UBE2K: variants seen among roughly 807,000 people sequenced by gnomAD.
The protein encoded by UBE2K is ubiquitin-conjugating enzyme E2 K.
A neutral mutation model predicts 30.0 loss-of-function variants in UBE2K; 6 were observed. That is an observed-to-expected ratio of 0.20 (90% CI 0.11 to 0.39). The LOEUF (loss-of-function observed/expected upper bound fraction) is 0.39. Among genes scored for constraint, UBE2K ranks in the 10% least tolerant of loss-of-function variants. The pLI, the probability that UBE2K is intolerant of heterozygous loss-of-function variation, is 1.00. For missense variants in UBE2K, 61 were observed against 241.6 expected, an observed-to-expected ratio of 0.25 and a Z score of 4.96; for synonymous variants, 86 against 83.7, an observed-to-expected ratio of 1.03 and a Z score of -0.15.
intron 1 of UBE2K, among the ~76,000 whole-genome samples, chr4:39,702,881 A>G (rs777267811): frequency 1.3e-5 from 2 of 151,908 alleles, no homozygotes; most frequent in African/African-American, 4.8e-5. Context: ...CCTGACCTCT[A>G]CCAGTATATG....
rs1560343607 is a variant in UBE2K at position 39,714,530 on chromosome 4, AT to A, written c.63+16141del. The stretch of plus-strand genomic sequence containing the variant: ...TTTTAGAAGTTTCATATATATATAT[AT>A]ATATATATATATATATATATTTTTT... On this transcript the variant is annotated intron_variant, in intron 1 of 6. Coordinates refer to ENST00000261427, the MANE Select transcript of UBE2K (RefSeq NM_005339.5). 3 of 27,146 alleles carry A rather than the reference AT, an allele frequency of 1.1e-4. 1 individual carries two copies. The highest frequency in any genetic ancestry group is 1.1e-4 in the Non-Finnish European group (2 of 17,922). 1.7% of individuals were successfully genotyped at this position (27,146 alleles called of 1,614,324 possible).
intron 1 of UBE2K, among the ~76,000 whole-genome samples, chr4:39,711,566 G>A (rs940837249): frequency 1.3e-5 from 2 of 151,742 alleles, no homozygotes; most frequent in Admixed American, 6.6e-5. Context: ...CCTATTGATG[G>A]CATTTAATTC....
chr4:39,771,115 G>T (rs111555669), intron 4 of UBE2K: 8 of 1,612,498 alleles, frequency 5.0e-6, no homozygotes, highest in Non-Finnish European at 6.8e-6. Context: ...CTGCAGGTAG[G>T]AGGTGGCTGT....
At chr4:39,771,117 G>A (rs1712789235) in intron 4 of UBE2K, 2 of 1,612,506 alleles carry the variant, frequency 1.2e-6, no homozygotes, top group African/African-American at 1.3e-5. Context: ...GCAGGTAGGA[G>A]GTGGCTGTAA....
At chr4:39,769,597 T>A (rs2109401250) in intron 4 of UBE2K, among the ~76,000 whole-genome samples, 1 of 149,826 alleles carries the variant, frequency 6.7e-6, no homozygotes, top group Middle Eastern at 3.4e-3. Flanking sequence ...CTCAATAATC[T>A]TTTCCCCTTA....
chr4:39,710,130 T>A (rs902647790), intron 1 of UBE2K: 3 of 152,074 alleles, frequency 2.0e-5, no homozygotes, highest in Non-Finnish European at 4.4e-5. Flanking sequence ...AGGAAAAAAG[T>A]CTGTAACTGG....
chr4:39,705,135 G>A lies in UBE2K; in HGVS notation c.63+6745G>A, dbSNP rs1287589462. Among the ~76,000 whole-genome samples, 2 of 149,848 alleles carry A rather than the reference G, an allele frequency of 1.3e-5. 1 individual carries two copies. The highest frequency in any genetic ancestry group is 3.0e-5 in the Non-Finnish European group (2 of 67,604). On this transcript the variant is annotated intron_variant, in intron 1 of 6. Coordinates refer to ENST00000261427, the MANE Select transcript of UBE2K (RefSeq NM_005339.5). The stretch of plus-strand genomic sequence containing the variant: ...GCTGGTCTCGAGCTCCTGACCTTGT[G>A]ATCTGCCGCCTCGGCCTCCCAAAGT...
chr4:39,703,595 T>G (rs1463699305), intron 1 of UBE2K, among the ~76,000 whole-genome samples: 1 of 151,992 alleles, frequency 6.6e-6, no homozygotes, highest in African/African-American at 2.4e-5. Flanking sequence ...ACGCCTGTAA[T>G]CCCAGCACTT....
chr4:39,769,213 G>GTTTTTTTTTTTTTTTGTTTTTTTTTTTT (rs60471860), intron 4 of UBE2K, among the ~76,000 whole-genome samples: 1 of 128,690 alleles, frequency 7.8e-6, no homozygotes, highest in African/African-American at 2.9e-5. Context: ...GTTTCTTTTT[G>GTTTTTTTTTTTTTTTGTTTTTTTTTTTT]TTTTTTTTTT....
intron 1 of UBE2K, among the ~76,000 whole-genome samples, chr4:39,700,110 GTTAC>G (rs1277531796): frequency 6.6e-6 from 1 of 152,184 alleles, no homozygotes. Context: ...TTTATTTTCT[GTTAC>G]TTACGGTAAC....
intron 1 of UBE2K, 145 bp downstream of exon 1, chr4:39,698,535 C>T (rs1489768296): frequency 6.8e-6 from 5 of 729,934 alleles, no homozygotes; most frequent in South Asian, 1.7e-5. Flanking sequence ...GTGTTCCCCT[C>T]CTCCTTCCGC....
chr4:39,714,632 C>T (rs1303901780), intron 1 of UBE2K, among the ~76,000 whole-genome samples: 2 of 144,606 alleles, frequency 1.4e-5, no homozygotes, highest in Admixed American at 7.1e-5. Context: ...CTGCAGCCTC[C>T]GACTCCCTGG....
At chr4:39,773,833 A>T (rs1713096909) in intron 4 of UBE2K, among the ~76,000 whole-genome samples, 1 of 151,934 alleles carries the variant, frequency 6.6e-6, no homozygotes, top group Admixed American at 6.6e-5. Flanking sequence ...AGGCAGGAGA[A>T]TAGCGTGAAC....
intron 1 of UBE2K, chr4:39,714,517 C>CATCTATATATATATATATTTATAT (rs1553874880): frequency 9.6e-5 from 4 of 41,638 alleles, no homozygotes; most frequent in African/African-American, 5.3e-4. Context: ...TTAGAAGTTT[C>CATCTATATATATATATATTTATAT]ATATATATAT....
chr4:39,737,292 C>A, intron 1 of UBE2K, 128 bp from the exon 2 acceptor site: 2 of 486,942 alleles, frequency 4.1e-6, no homozygotes, highest in Admixed American at 4.3e-5. Flanking sequence ...CTAGAAAAGC[C>A]GAGACTTATT....
chr4:39,729,846 A>ACGCT (rs1202293798), intron 1 of UBE2K, among the ~76,000 whole-genome samples: 2 of 152,258 alleles, frequency 1.3e-5, no homozygotes, highest in Non-Finnish European at 2.9e-5. Flanking sequence ...CACAGCGTGT[A>ACGCT]CGCTCTGCCT....
intron 1 of UBE2K, among the ~76,000 whole-genome samples, chr4:39,737,126 C>T (rs1720421909): frequency 1.3e-5 from 2 of 152,152 alleles, no homozygotes; most frequent in Non-Finnish European, 1.5e-5. Flanking sequence ...AATTGGCAAA[C>T]ATAAAATAGC....
chr4:39,723,250 T>C (rs904894776), intron 1 of UBE2K, among the ~76,000 whole-genome samples: 11 of 151,192 alleles, frequency 7.3e-5, no homozygotes, highest in African/African-American at 2.7e-4. Flanking sequence ...TTCACTATAT[T>C]GCCCAGGCTG....
chr4:39,782,184 T>G lies in UBE2K; in HGVS notation c.*3750T>G. ...TTTTGCTTGGTTATTTCAACCATGC[T>G]GCTATATATAATCAGGTGTGGCACA... is the stretch of plus-strand genomic sequence containing the variant. On this transcript the variant is annotated 3_prime_UTR_variant, in exon 7 of 7. Coordinates refer to ENST00000261427, the MANE Select transcript of UBE2K (RefSeq NM_005339.5). The G allele has an allele frequency of 2.6e-6, 1 of 383,570 alleles. No homozygotes were observed. Among genetic ancestry groups the G allele is most frequent in the Non-Finnish European group, 4.6e-6 (1 of 216,490 alleles). 23.8% of individuals were successfully genotyped at this position (383,570 alleles called of 1,614,324 possible).
Sources: allele counts gnomAD v4.1 joint callset (sites outside exome capture counted in the v4.1 genomes callset), GRCh38; gene constraint gnomAD v4.1.1; transcripts MANE v1.5; gene names NCBI Gene and HGNC (gene_info 2026-07-23, HGNC 2026-07-21).